Variants in GDI2 observed in about 807,000 individuals in gnomAD.
GDI2 encodes the protein rab GDP dissociation inhibitor beta.
A neutral mutation model predicts 54.2 loss-of-function variants in GDI2; 22 were observed. The observed-to-expected ratio is 0.41, with a 90% CI of 0.29 to 0.58. GDI2 has a LOEUF of 0.58. GDI2 is among the 20% of genes least tolerant of loss of function. GDI2 has a pLI of 0.35. For missense variants in GDI2, 422 were observed against 546.0 expected (o/e 0.77, Z 2.26); for synonymous variants, 177 against 182.1 (o/e 0.97, Z 0.23).
intron 2 of GDI2, among the ~76,000 whole-genome samples, chr10:5,799,695 C>G (rs1841224762): frequency 6.6e-6 from 1 of 152,142 alleles, no homozygotes; most frequent in Non-Finnish European, 1.5e-5. Context: ...ATACCAAATA[C>G]AAACAGCTAC....
Position 5,786,692 on chromosome 10 carries a change from C to G in GDI2, c.389-642G>C, listed in dbSNP as rs143157374. On this transcript the variant is annotated intron_variant, in intron 4 of 10. Coordinates refer to ENST00000380191, the MANE Select transcript of GDI2 (RefSeq NM_001494.4). ...AACAAGTATCCATGAAGCCACCCAT[C>G]TGAAGAGTCTCCCTTTGACAACTCT... 4.8e-3 allele frequency among the ~76,000 whole-genome samples: 705 copies of G among 148,268 alleles called. 4 individuals are homozygous for G. The highest frequency in any genetic ancestry group is 0.016 in the African/African-American group (661 of 40,172).
At chr10:5,791,285 C>T (rs1167857703) in intron 4 of GDI2, among the ~76,000 whole-genome samples, 1 of 151,774 alleles carries the variant, frequency 6.6e-6, no homozygotes, top group Non-Finnish European at 1.5e-5. Context: ...AGAGTGAGAC[C>T]CTGTTTCAAA....
At chr10:5,800,828 A>AT in intron 1 of GDI2, 123 bp from the exon 2 acceptor site, 1 of 660,958 alleles carries the variant, frequency 1.5e-6, no homozygotes, top group Non-Finnish European at 2.7e-6. Flanking sequence ...GCAACATGAC[A>AT]TAATTTATGA....
intron 6 of GDI2, among the ~76,000 whole-genome samples, chr10:5,779,718 G>A (rs1840709409): frequency 6.7e-6 from 1 of 148,412 alleles, no homozygotes; most frequent in South Asian, 2.1e-4. Context: ...GTAAGAGACA[G>A]GGTCCTGCTC....
rs201306453 is a variant in GDI2, at chr10:5,778,314, T to TA, written c.720-4374dup. On this transcript the variant is annotated intron_variant, in intron 6 of 10. Transcript: ENST00000380191. Reference sequence around the variant, plus strand: ...AGTATAAAAGTATGTTATGCATAATTAATCTATAATGCCATAAATGATCAT... The same window carrying TA: ...AGTATAAAAGTATGTTATGCATAATTAAATCTATAATGCCATAAATGATCAT... Among the ~76,000 whole-genome samples, 163 of 152,328 alleles carry TA rather than the reference T, an allele frequency of 1.1e-3. 3 individuals carry two copies. The East Asian group carries it at 0.022, about 21-fold the overall frequency.
intron 4 of GDI2, among the ~76,000 whole-genome samples, chr10:5,794,188 A>AAAAAAAAT (rs1448053813): frequency 1.2e-4 from 5 of 40,340 alleles, no homozygotes; most frequent in Non-Finnish European, 2.1e-4. Context: ...AAAAAAAAAA[A>AAAAAAAAT]ATATATATAT....
chr10:5,811,775 A>G (rs376626607), intron 1 of GDI2: 13 of 342,920 alleles, frequency 3.8e-5, no homozygotes, highest in African/African-American at 2.3e-4. Flanking sequence ...TTGGTCAAAC[A>G]TAACGAAGTA....
At chr10:5,771,581 G>A (rs999397693) in intron 7 of GDI2, among the ~76,000 whole-genome samples, 2 of 151,768 alleles carry the variant, frequency 1.3e-5, no homozygotes, top group African/African-American at 4.8e-5. Flanking sequence ...TTATAGGTGG[G>A]TGTCCTGACA....
chr10:5,784,481 T>A (rs1217458289), intron 6 of GDI2, among the ~76,000 whole-genome samples: 1 of 152,222 alleles, frequency 6.6e-6, no homozygotes, highest in East Asian at 1.9e-4. Context: ...TGTGACCTTT[T>A]CAGAGTGTCA....
Position 5,786,006 on chromosome 10 carries a change from C to T in GDI2, c.433G>A (p.Val145Met). The T allele has an allele frequency of 6.2e-7, 1 of 1,613,812 alleles. No homozygotes were observed. Among genetic ancestry groups the T allele is most frequent in the Non-Finnish European group, 8.5e-7 (1 of 1,179,830 alleles). Residue 145 changes from valine to methionine, a missense_variant, in exon 5 of 11, where the codon GTG (valine) becomes ATG (methionine). Physicochemically the swap from Val to Met is conservative, Grantham distance 21. Transcript: ENST00000380191. ...FEKRRFRKFL[V>M]YVANFDEKDP... ...TTTTCATCGAAGTTGGCAACATACA[C>T]TAGGAATTTCCTGAAGCGACGTTTT...
intron 1 of GDI2, among the ~76,000 whole-genome samples, chr10:5,811,195 TA>T (rs1450277102): frequency 1.3e-5 from 2 of 152,200 alleles, no homozygotes; most frequent in East Asian, 3.8e-4. Flanking sequence ...TCAATGATGG[TA>T]ATAATGTGAT....
intron 1 of GDI2, among the ~76,000 whole-genome samples, chr10:5,803,855 A>G (rs1564399265): frequency 6.6e-6 from 1 of 152,170 alleles, no homozygotes; most frequent in African/African-American, 2.4e-5. Flanking sequence ...AAAGAGACAA[A>G]GGAAATTCCA....
intron 1 of GDI2, among the ~76,000 whole-genome samples, chr10:5,806,056 T>C (rs1043567709): frequency 2.0e-5 from 3 of 152,256 alleles, no homozygotes; most frequent in Non-Finnish European, 4.4e-5. Flanking sequence ...ATTTCTGTTA[T>C]ATATCAAGAA....
chr10:5,810,843 TTAAGA>T (rs1468095920), intron 1 of GDI2, among the ~76,000 whole-genome samples: 2 of 142,180 alleles, frequency 1.4e-5, no homozygotes, highest in South Asian at 2.1e-4. Flanking sequence ...ATCTTCTTGA[TTAAGA>T]TAACTATCAA....
chr10:5,798,570 C>G (rs1841197812), intron 2 of GDI2, among the ~76,000 whole-genome samples: 1 of 144,250 alleles, frequency 6.9e-6, no homozygotes, highest in Non-Finnish European at 1.5e-5. Context: ...GCCTGGGTGA[C>G]AGAGAAAGAC....
intron 1 of GDI2, among the ~76,000 whole-genome samples, chr10:5,804,837 T>TG (rs1197889015): frequency 6.6e-6 from 1 of 151,992 alleles, no homozygotes; most frequent in Non-Finnish European, 1.5e-5. Context: ...TGGAGCTTTT[T>TG]TTTTTTTTTA....
At chr10:5,799,958 T>G (rs1366229196) in intron 2 of GDI2, among the ~76,000 whole-genome samples, 1 of 152,224 alleles carries the variant, frequency 6.6e-6, no homozygotes, top group Non-Finnish European at 1.5e-5. Context: ...TTCTTTAAAC[T>G]TTTCAGTATT....
chr10:5,775,169 T>C (rs886464929), intron 6 of GDI2, among the ~76,000 whole-genome samples: 15 of 152,082 alleles, frequency 9.9e-5, no homozygotes, highest in Non-Finnish European at 1.3e-4. Context: ...TCATCTGTAG[T>C]CCCAGCTACC....
rs764349564 is a variant in GDI2, at chr10:5,774,347, G to T, written c.720-406C>A. On this transcript the variant is annotated intron_variant, in intron 6 of 10. Transcript: ENST00000380191. The surrounding 1 kb of genome is among the most constrained non-coding windows in gnomAD (Gnocchi z 4.8). ...AAAGAACTGAGGTTGCTGCAGACCC[G>T]TACGGATTCATCTCAGCACGGTAAC... 6.6e-6 allele frequency among the ~76,000 whole-genome samples: 1 copy of T among 152,086 alleles called. No individual in the cohort carries two copies. The highest frequency in any genetic ancestry group is 2.4e-5 in the African/African-American group (1 of 41,398).
Sources: gnomAD v4.1 joint callset for allele counts (sites outside exome capture counted in the v4.1 genomes callset) on GRCh38, gnomAD v4.1.1 for gene constraint, Gnocchi (gnomAD v3.1) non-coding constraint, MANE v1.5 for transcripts, NCBI Gene and HGNC (gene_info 2026-07-23, HGNC 2026-07-21) for gene names.